SEC63: variants seen among roughly 807,000 people sequenced by gnomAD.
SEC63 encodes translocation protein SEC63 homolog.
Under a neutral mutation model 116.2 loss-of-function variants are expected in SEC63, and 56 were observed. That is an observed-to-expected ratio of 0.48 (90% CI 0.39 to 0.60). SEC63 has a LOEUF of 0.60. SEC63 is among the 20% of genes least tolerant of loss of function. The pLI is 0.00. For missense variants in SEC63, 668 were observed against 900.0 expected, an observed-to-expected ratio of 0.74 and a Z score of 3.30; for synonymous variants, 273 against 294.6, an observed-to-expected ratio of 0.93 and a Z score of 0.75.
intron 5 of SEC63, among the ~76,000 whole-genome samples, chr6:107,913,036 T>C (rs1324773953): frequency 6.6e-6 from 1 of 152,194 alleles, no homozygotes; most frequent in African/African-American, 2.4e-5. Flanking sequence ...TAAATTATTT[T>C]ATATGTCCTG....
chr6:107,915,810 G>C (rs1746275724), intron 4 of SEC63, among the ~76,000 whole-genome samples: 1 of 152,146 alleles, frequency 6.6e-6, no homozygotes, highest in South Asian at 2.1e-4. Flanking sequence ...CAAGCACTTA[G>C]AACTTATAGT....
chr6:107,878,417 T>C (rs1231193534), intron 18 of SEC63, among the ~76,000 whole-genome samples: 1 of 152,242 alleles, frequency 6.6e-6, no homozygotes, highest in Non-Finnish European at 1.5e-5. Flanking sequence ...ATTTTGACAT[T>C]TGTCAGAAAC....
At chr6:107,887,468 A>T (rs1786557819) in intron 16 of SEC63, among the ~76,000 whole-genome samples, 1 of 147,598 alleles carries the variant, frequency 6.8e-6, no homozygotes, top group Non-Finnish European at 1.5e-5. Flanking sequence ...TGAAATTGGA[A>T]ATCATCATTC....
chr6:107,893,822 A>T lies in SEC63; in HGVS notation c.1500+16T>A. 1 of 1,614,072 alleles carries T rather than the reference A, an allele frequency of 6.2e-7. No homozygotes were observed. Among genetic ancestry groups the T allele is most frequent in the Non-Finnish European group, 8.5e-7 (1 of 1,179,946 alleles). Reference sequence around the variant, plus strand: ...CTTTCACTAGGAAAAATAGGTTCGGAAACCCAAGTTTTTACCCCATCTTCT... The same window carrying T: ...CTTTCACTAGGAAAAATAGGTTCGGTAACCCAAGTTTTTACCCCATCTTCT... On this transcript the variant is annotated intron_variant, in intron 15 of 20. Coordinates refer to ENST00000369002, the MANE Select transcript of SEC63 (RefSeq NM_007214.5).
chr6:107,881,122 G>T (rs2114403503), intron 18 of SEC63, 27 bp downstream of exon 18: 3 of 1,447,520 alleles, frequency 2.1e-6, no homozygotes, highest in South Asian at 2.3e-5. Context: ...ATGGAATAAG[G>T]AACACAGTAG....
intron 1 of SEC63, among the ~76,000 whole-genome samples, chr6:107,952,081 T>C (rs1770591254): frequency 6.6e-6 from 1 of 152,172 alleles, no homozygotes; most frequent in Non-Finnish European, 1.5e-5. Flanking sequence ...ATACAGAGCT[T>C]TTGTCCTTAA....
intron 2 of SEC63, among the ~76,000 whole-genome samples, chr6:107,926,359 A>C (rs1264932056): frequency 6.6e-6 from 1 of 152,198 alleles, no homozygotes; most frequent in Non-Finnish European, 1.5e-5. Flanking sequence ...ACACTGAGCA[A>C]GAACTGTTAG....
intron 11 of SEC63, among the ~76,000 whole-genome samples, chr6:107,903,889 G>A (rs968746309): frequency 3.9e-5 from 6 of 152,246 alleles, no homozygotes; most frequent in African/African-American, 1.4e-4. Flanking sequence ...GGAGGCTGAG[G>A]CAGGTGGATC....
At chr6:107,945,444 C>T (rs1423797501) in intron 1 of SEC63, among the ~76,000 whole-genome samples, 1 of 151,622 alleles carries the variant, frequency 6.6e-6, no homozygotes, top group Non-Finnish European at 1.5e-5. Context: ...GCAGCTGGGA[C>T]TAAAGGTGCA....
At chr6:107,886,323 T>A (rs1397461638) in intron 16 of SEC63, among the ~76,000 whole-genome samples, 1 of 152,214 alleles carries the variant, frequency 6.6e-6, no homozygotes, top group Non-Finnish European at 1.5e-5. Context: ...TAAACATACA[T>A]CTGTATGTGT....
At chr6:107,883,208 T>A in intron 16 of SEC63, 62 bp from the exon 17 acceptor site, 2 of 1,597,404 alleles carry the variant, frequency 1.3e-6, no homozygotes, top group Non-Finnish European at 1.7e-6. Flanking sequence ...TCAATCTGAA[T>A]CCCTGAAGTT....
chr6:107,883,805 T>TCC (rs1417101827), intron 16 of SEC63, among the ~76,000 whole-genome samples: 1 of 146,522 alleles, frequency 6.8e-6, no homozygotes, highest in African/African-American at 2.6e-5. Flanking sequence ...AGACCCTATC[T>TCC]CAAAAAAAAA....
At chr6:107,910,434 C>G (rs983779669) in intron 7 of SEC63, among the ~76,000 whole-genome samples, 1 of 152,084 alleles carries the variant, frequency 6.6e-6, no homozygotes, top group Non-Finnish European at 1.5e-5. Context: ...CACCACCTTA[C>G]TATACAGCAA....
chr6:107,921,782 G>T lies in SEC63; in HGVS notation c.452+15C>A. 6 of 1,500,184 alleles carry T rather than the reference G, an allele frequency of 4.0e-6. No individual in the cohort carries two copies. The highest frequency in any genetic ancestry group is 4.6e-6 in the Non-Finnish European group (5 of 1,076,332). The allele number at this position is 1,500,184 out of a possible 1,614,324, so 92.9% of individuals were successfully genotyped here. ...GTACCATTCTTAAAAATTTGTAATG[G>T]ATCCTGATACTTACGCAGCATAAGC... On this transcript the variant is annotated intron_variant, in intron 4 of 20. Coordinates refer to ENST00000369002, the MANE Select transcript of SEC63 (RefSeq NM_007214.5).
chr6:107,888,095 T>C (rs1351676958), intron 16 of SEC63, among the ~76,000 whole-genome samples: 1 of 152,212 alleles, frequency 6.6e-6, no homozygotes, highest in Non-Finnish European at 1.5e-5. Context: ...TGGTTCCATA[T>C]GAAATTTAAA....
chr6:107,947,766 C>A (rs978345948), intron 1 of SEC63, among the ~76,000 whole-genome samples: 5 of 152,128 alleles, frequency 3.3e-5, no homozygotes, highest in Non-Finnish European at 7.4e-5. Context: ...TCTTAGAATT[C>A]TCTTTCTAAT....
intron 16 of SEC63, among the ~76,000 whole-genome samples, chr6:107,887,588 G>C: frequency 1.3e-5 from 2 of 150,522 alleles, no homozygotes; most frequent in Non-Finnish European, 3.0e-5. Context: ...TCACACTCTG[G>C]GGACTGTTGT....
chr6:107,869,188 GCTCC>G lies in SEC63; in HGVS notation c.*2512_*2515del, dbSNP rs990884926. On this transcript the variant is annotated 3_prime_UTR_variant, in exon 21 of 21. Transcript: ENST00000369002. ...CTACACAGAGAACTTCACTCAATGT[GCTCC>G]CTAACTTAAAAAAAAAATTATGAAA... 7.9e-5 allele frequency: 12 copies of G among 151,332 alleles called. No homozygotes were observed. The highest frequency in any genetic ancestry group is 2.4e-4 in the African/African-American group (10 of 40,824). The allele number at this position is 151,332 out of a possible 1,614,324, so 9.4% of individuals were successfully genotyped here. A position where few individuals can be genotyped will look rare whatever the true frequency, so the allele number is the denominator to read the frequency against.
intron 2 of SEC63, among the ~76,000 whole-genome samples, chr6:107,928,248 C>A (rs186508854): frequency 1.1e-4 from 16 of 152,052 alleles, no homozygotes; most frequent in Admixed American, 3.9e-4. Context: ...TTTTGGAGGC[C>A]GAGGCAGGCA....
Sources: allele counts gnomAD v4.1 joint callset (sites outside exome capture counted in the v4.1 genomes callset), GRCh38; gene constraint gnomAD v4.1.1; transcripts MANE v1.5; gene names NCBI Gene and HGNC (gene_info 2026-07-23, HGNC 2026-07-21).